The following MOCS1 variants were observed in gnomAD, a reference collection of about 807,000 sequenced individuals.
MOCS1 encodes molybdenum cofactor biosynthesis protein 1.
MOCS1 carries 39 observed loss-of-function variants against 57.6 expected under a neutral mutation model. The observed-to-expected ratio is 0.68, with a 90% CI of 0.52 to 0.88. The LOEUF is 0.88. Among genes scored for constraint, MOCS1 ranks in the 40% least tolerant of loss-of-function variants. The probability of loss-of-function intolerance (pLI) is 0.00; values close to 1 mark genes in which losing one functional copy is unlikely to be tolerated. For missense variants in MOCS1, 795 were observed against 831.1 expected, an observed-to-expected ratio of 0.96 and a Z score of 0.53; for synonymous variants, 334 against 335.7, an observed-to-expected ratio of 1.00 and a Z score of 0.05.
Position 39,913,825 on chromosome 6 carries a change from C to T in MOCS1, c.594G>A (p.Lys198=), listed in dbSNP as rs148899319. 6.2e-7 allele frequency: 1 copy of T among 1,614,102 alleles called. No individual in the cohort carries two copies. The highest frequency in any genetic ancestry group is 1.3e-5 in the African/African-American group (1 of 74,944). The change falls in exon 5 of 11, where the codon AAG becomes AAA. Residue 198 remains lysine (K), a synonymous_variant. Coordinates refer to ENST00000340692, the MANE Select transcript of MOCS1 (RefSeq NM_001358530.2). The part of the protein sequence containing the change: ...EFIVRRKGFH[K]VMEGIHKAIE... ...TGGCCTTGTGGATGCCCTCCATGAC[C>T]TTGTGGAAGCCTGGGAGGGAGAAAC...
intron 9 of MOCS1, 142 bp from the exon 10 acceptor site, chr6:39,909,244 AGGAAAGCAG>A (rs1767156559): frequency 2.3e-4 from 1 of 4,310 alleles, no homozygotes; most frequent in African/African-American, 1.2e-3. Flanking sequence ...GGAGAGGGAG[AGGAAAGCAG>A]GGGAGGGGGA....
chr6:39,927,367 T>C lies in MOCS1; in HGVS notation c.212A>G (p.Tyr71Cys), dbSNP rs1768378465. 2 of 1,612,424 alleles carry C rather than the reference T, an allele frequency of 1.2e-6. No individual in the cohort carries two copies. Among genetic ancestry groups the C allele is most frequent in the Non-Finnish European group, 1.7e-6 (2 of 1,179,796 alleles). Residue 71 changes from tyrosine to cysteine, a missense_variant, in exon 2 of 11, where the codon TAC becomes TGC. Physicochemically the swap from Tyr to Cys is radical, Grantham distance 194. This residue lies in a region of MOCS1 where 416 missense variants were observed against 392.4 expected (regional missense o/e 1.06). Transcript: ENST00000340692. The part of the protein sequence containing the change: ...LTDSFGRQHS[Y>C]LRISLTEKCN... ...CTTCTCTGTGAGGGAGATCCGCAGG[T>C]AGCTGTGCTGCCGGCCGAAGCTGTC...
intron 3 of MOCS1, among the ~76,000 whole-genome samples, chr6:39,920,983 A>T (rs1442533418): frequency 1.3e-5 from 2 of 151,456 alleles, no homozygotes; most frequent in Non-Finnish European, 2.9e-5. Context: ...CTCCCAAAAA[A>T]AAAAGGGGGG....
chr6:39,911,593 A>C (rs1408988707), intron 8 of MOCS1, among the ~76,000 whole-genome samples: 1 of 152,110 alleles, frequency 6.6e-6, no homozygotes, highest in Non-Finnish European at 1.5e-5. Flanking sequence ...AGCCCCCTAC[A>C]ATGTAGTCTT....
chr6:39,930,037 T>C (rs142094681), intron 1 of MOCS1, among the ~76,000 whole-genome samples: 1 of 151,680 alleles, frequency 6.6e-6, no homozygotes, highest in Non-Finnish European at 1.5e-5. Flanking sequence ...TGTGACCTTG[T>C]CTAGACTTAT....
rs796695445 is a variant in MOCS1 at position 39,905,979 on chromosome 6, CAGG to C, written c.*375_*377del. The C allele has an allele frequency of 5.1e-5, 24 of 473,976 alleles. No individual in the cohort carries two copies. The highest frequency in any genetic ancestry group is 2.0e-4 in the African/African-American group (10 of 50,854). The allele number at this position is 473,976 out of a possible 1,614,324, so 29.4% of individuals were successfully genotyped here. The stretch of plus-strand genomic sequence containing the variant: ...AGCGCTTAATCTCTCCCCAGGAAAG[CAGG>C]AGAAGAGAAAACCCAAAATGAGAAG... On this transcript the variant is annotated 3_prime_UTR_variant, in exon 11 of 11. Coordinates refer to ENST00000340692, the MANE Select transcript of MOCS1 (RefSeq NM_001358530.2).
chr6:39,915,176 T>C (rs895902059), intron 4 of MOCS1, among the ~76,000 whole-genome samples: 8 of 152,176 alleles, frequency 5.3e-5, no homozygotes, highest in Admixed American at 2.6e-4. Context: ...GACAGGGCAA[T>C]GTCTTATGTG....
At chr6:39,917,785 G>GA (rs767474850) in intron 3 of MOCS1, among the ~76,000 whole-genome samples, 18 of 152,122 alleles carry the variant, frequency 1.2e-4, no homozygotes, top group South Asian at 6.2e-4. Context: ...AATAAACCAA[G>GA]AAAAAACCCT....
At chr6:39,914,627 G>C (rs1200242382) in intron 4 of MOCS1, among the ~76,000 whole-genome samples, 1 of 152,170 alleles carries the variant, frequency 6.6e-6, no homozygotes, top group Non-Finnish European at 1.5e-5. Flanking sequence ...GCACAGCCTG[G>C]GTGGTCACCT....
chr6:39,934,170 G>A (rs1768787157), intron 1 of MOCS1, 125 bp downstream of exon 1: 8 of 1,280,730 alleles, frequency 6.2e-6, no homozygotes, highest in Non-Finnish European at 8.3e-6. Context: ...CTCCACTGAG[G>A]AGTGCCAACG....
chr6:39,925,922 C>T, intron 2 of MOCS1, 77 bp from the exon 3 acceptor site: 1 of 1,478,626 alleles, frequency 6.8e-7, no homozygotes, highest in South Asian at 1.3e-5. Context: ...CACTCCCCAA[C>T]TCTCCATCAG....
At chr6:39,926,340 C>T (rs1017789438) in intron 2 of MOCS1, among the ~76,000 whole-genome samples, 3 of 152,104 alleles carry the variant, frequency 2.0e-5, no homozygotes, top group Non-Finnish European at 4.4e-5. Flanking sequence ...CAAATCCACT[C>T]TATCTATTTC....
intron 3 of MOCS1, among the ~76,000 whole-genome samples, chr6:39,917,311 C>T (rs1767715434): frequency 6.6e-6 from 1 of 152,162 alleles, no homozygotes; most frequent in African/African-American, 2.4e-5. Flanking sequence ...TTATAAAAAT[C>T]ATCAGATCTC....
chr6:39,914,073 T>C (rs145876069), intron 4 of MOCS1, among the ~76,000 whole-genome samples: 56 of 152,318 alleles, frequency 3.7e-4, no homozygotes, highest in African/African-American at 1.2e-3. Flanking sequence ...TACAGTGTCT[T>C]GTAAAACAGA....
intron 3 of MOCS1, among the ~76,000 whole-genome samples, chr6:39,925,321 C>T (rs1768212636): frequency 6.6e-6 from 1 of 152,018 alleles, no homozygotes; most frequent in African/African-American, 2.4e-5. Context: ...CAGCACATGT[C>T]AAGGCCCGGT....
chr6:39,909,948 A>C lies in MOCS1; in HGVS notation c.989T>G (p.Leu330Arg), dbSNP rs1347657140. The change falls in exon 9 of 11, where the codon CTC becomes CGC. Residue 330 changes from leucine to arginine, a missense_variant. By Grantham distance (102) the Leu-to-Arg change is moderately radical. Coordinates refer to ENST00000340692, the MANE Select transcript of MOCS1 (RefSeq NM_001358530.2). ...CAGGGATACCTCAGAGTTTCCAAAG[A>C]GGCAGACCTACATGTGGGTGAGGAC... ...ITADGNLKVC[L>R]FGNSEVSLRD... 1.2e-6 allele frequency: 2 copies of C among 1,613,426 alleles called. No homozygotes were observed. Among genetic ancestry groups the C allele is most frequent in the African/African-American group, 2.7e-5 (2 of 75,052 alleles).
In MOCS1 at chr6:39,905,044, C is replaced by T. The variant is rs1329697361; in HGVS notation, c.*1313G>A. On this transcript the variant is annotated 3_prime_UTR_variant, in exon 11 of 11. Coordinates refer to ENST00000340692, the MANE Select transcript of MOCS1 (RefSeq NM_001358530.2). ...TTATTCAACATGGGAGTATTTATATCACAAATTGTCTTTTCCAGAGAGCTG... is the reference window on the plus strand; with the variant it reads ...TTATTCAACATGGGAGTATTTATATTACAAATTGTCTTTTCCAGAGAGCTG... The T allele has an allele frequency of 8.8e-6, 4 of 453,970 alleles. No individual in the cohort carries two copies. The highest frequency in any genetic ancestry group is 8.0e-5 in the African/African-American group (4 of 49,972). 28.1% of individuals were successfully genotyped at this position (453,970 alleles called of 1,614,324 possible).
chr6:39,905,455 G>A lies in MOCS1; in HGVS notation c.*902C>T. ...ATAGGATTGATTGATTGATTGATAGGTGCAGCCTTCCCTGTGAAACTGCAG... is the reference window on the plus strand; with the variant it reads ...ATAGGATTGATTGATTGATTGATAGATGCAGCCTTCCCTGTGAAACTGCAG... On this transcript the variant is annotated 3_prime_UTR_variant, in exon 11 of 11. Coordinates refer to ENST00000340692, the MANE Select transcript of MOCS1 (RefSeq NM_001358530.2). 2.1e-6 allele frequency: 1 copy of A among 470,882 alleles called. No individual in the cohort carries two copies. Among genetic ancestry groups the A allele is most frequent in the South Asian group, 1.5e-5 (1 of 64,566 alleles). 29.2% of individuals were successfully genotyped at this position (470,882 alleles called of 1,614,324 possible).
At position 39,916,251 on chromosome 6, in the gene MOCS1, G is replaced by A. The variant is rs778681614; in HGVS notation, c.419-19C>T. ...AGCTGGGCTGTAAGGACAACAGAAA[G>A]GGGGTCAGACTGCTTGCTTGTTCTT... On this transcript the variant is annotated intron_variant, in intron 3 of 10. Transcript: ENST00000340692. 1.1e-5 allele frequency: 17 copies of A among 1,612,786 alleles called. No homozygotes were observed. The highest frequency in any genetic ancestry group is 1.4e-5 in the Non-Finnish European group (16 of 1,180,016).
Sources: allele counts gnomAD v4.1 joint callset (sites outside exome capture counted in the v4.1 genomes callset), GRCh38; gene constraint gnomAD v4.1.1; regional missense constraint gnomAD v4.1.1; transcripts MANE v1.5; gene names NCBI Gene and HGNC (gene_info 2026-07-23, HGNC 2026-07-21).